The following TMCO5A variants were observed in gnomAD, a reference collection of about 807,000 sequenced individuals.
The protein encoded by TMCO5A is transmembrane and coiled-coil domain-containing protein 5A.
TMCO5A carries 34 observed loss-of-function variants against 42.3 expected under a neutral mutation model. The ratio of observed to expected loss-of-function variants is 0.80; its 90% CI spans 0.61 to 1.07. TMCO5A has a LOEUF of 1.07. Among genes scored for constraint, TMCO5A ranks in the 50% least tolerant of loss-of-function variants. The pLI is 0.00. For synonymous variants in TMCO5A, 131 were observed against 115.6 expected, an observed-to-expected ratio of 1.13 and a Z score of -0.86; for missense variants, 357 against 327.9, an observed-to-expected ratio of 1.09 and a Z score of -0.69.
At chr15:38,033,132 G>A in the TMCO5A span, among the ~76,000 whole-genome samples, 1 of 152,004 alleles carries the variant, frequency 6.6e-6, no homozygotes, top group African/African-American at 2.4e-5. Context: ...GTTTCACCGT[G>A]TTAGCCAGGA....
the TMCO5A span, chr15:38,040,702 G>A: frequency 6.6e-6 from 1 of 152,184 alleles, no homozygotes. Flanking sequence ...GGTCACAAAG[G>A]ACCACAGCTT....
At chr15:37,975,986 T>C in the TMCO5A span, among the ~76,000 whole-genome samples, 9 of 112 alleles carry the variant, frequency 0.08, no homozygotes, top group African/African-American at 0.19. Context: ...CTCACGCCTG[T>C]AATCCCCAGC....
downstream of TMCO5A, among the ~76,000 whole-genome samples, chr15:37,952,127 C>A (rs983040623): frequency 2.0e-5 from 3 of 152,162 alleles, no homozygotes; most frequent in African/African-American, 7.2e-5. Flanking sequence ...CAAGCCTTGC[C>A]GCTGCCAAGC....
rs751757881 is a variant in TMCO5A at position 37,936,872 on chromosome 15, C to T, written c.166C>T (p.Arg56Trp). The change falls in exon 4 of 12, where the codon CGG (arginine) becomes TGG (tryptophan). Residue 56 changes from arginine to tryptophan, a missense_variant. Arg to Trp is a moderately radical substitution (Grantham distance 101). Coordinates refer to ENST00000319669, the MANE Select transcript of TMCO5A (RefSeq NM_152453.4). ...QRLESEIIQT[R>W]GLVEDEEWEK... ...GCTGGAAAGTGAGATCATTCAGACG[C>T]GGGGCCTGGTGGAAGATGAAGAGTG... The T allele has an allele frequency of 6.8e-6, 11 of 1,611,864 alleles. No individual in the cohort carries two copies. Among genetic ancestry groups the T allele is most frequent in the South Asian group, 4.4e-5 (4 of 91,032 alleles).
chr15:37,937,247 C>G, intron 4 of TMCO5A, 99 bp from the exon 5 acceptor site: 2 of 1,408,608 alleles, frequency 1.4e-6, no homozygotes. Context: ...GGTCAAGTTA[C>G]TGCAGGAAAA....
the TMCO5A span, among the ~76,000 whole-genome samples, chr15:38,010,246 G>A: frequency 3.3e-5 from 5 of 151,690 alleles, no homozygotes; most frequent in Non-Finnish European, 7.4e-5. Flanking sequence ...CGTATTGGCC[G>A]GCGCGTGTAG....
At chr15:37,998,928 T>C in the TMCO5A span, among the ~76,000 whole-genome samples, 1 of 152,106 alleles carries the variant, frequency 6.6e-6, no homozygotes, top group African/African-American at 2.4e-5. Flanking sequence ...TTTTTTGAGA[T>C]GGAGTTTCGC....
chr15:38,023,619 A>G, the TMCO5A span, among the ~76,000 whole-genome samples: 2 of 152,174 alleles, frequency 1.3e-5, no homozygotes. Flanking sequence ...TTAAGTGGAG[A>G]GGAATTAGGT....
chr15:38,040,845 T>G, the TMCO5A span: 1 of 152,196 alleles, frequency 6.6e-6, no homozygotes, highest in South Asian at 2.1e-4. Flanking sequence ...CTTTATGGGA[T>G]AATAAAATGT....
intron 2 of TMCO5A, 97 bp from the exon 3 acceptor site, chr15:37,936,217 T>A: frequency 7.2e-7 from 1 of 1,380,834 alleles, no homozygotes; most frequent in Non-Finnish European, 9.8e-7. Context: ...GAGAGTAAGG[T>A]TAATAAACTA....
the TMCO5A span, among the ~76,000 whole-genome samples, chr15:37,980,816 C>T: frequency 6.6e-6 from 1 of 152,014 alleles, no homozygotes; most frequent in African/African-American, 2.4e-5. Context: ...CACCCTGCCA[C>T]ATGATAATGC....
downstream of TMCO5A, among the ~76,000 whole-genome samples, chr15:37,954,589 G>A (rs1447025095): frequency 6.6e-6 from 1 of 152,066 alleles, no homozygotes; most frequent in Non-Finnish European, 1.5e-5. Context: ...GGACATTAAT[G>A]AGCAATAAGA....
downstream of TMCO5A, among the ~76,000 whole-genome samples, chr15:37,956,388 C>T (rs927475357): frequency 6.6e-6 from 1 of 152,034 alleles, no homozygotes; most frequent in African/African-American, 2.4e-5. Flanking sequence ...CAAATAGACG[C>T]AATAAAAATC....
the TMCO5A span, chr15:38,004,686 A>G: frequency 1.3e-5 from 2 of 152,112 alleles, no homozygotes; most frequent in Admixed American, 6.6e-5. Context: ...TCATATGTAA[A>G]ATTGCACAGT....
downstream of TMCO5A, among the ~76,000 whole-genome samples, chr15:37,956,363 A>C (rs530221353): frequency 6.6e-6 from 1 of 152,318 alleles, no homozygotes; most frequent in South Asian, 2.1e-4. Context: ...ACTAATAAAG[A>C]AGAAAACAGA....
the TMCO5A span, among the ~76,000 whole-genome samples, chr15:38,001,055 G>C: frequency 1.6e-4 from 24 of 152,050 alleles, no homozygotes; most frequent in African/African-American, 5.8e-4. Context: ...TTTCTTTGTT[G>C]CTTTTCAGTC....
At chr15:38,003,045 T>G in the TMCO5A span, among the ~76,000 whole-genome samples, 2 of 152,186 alleles carry the variant, frequency 1.3e-5, no homozygotes, top group Non-Finnish European at 2.9e-5. Flanking sequence ...CACTGTGATC[T>G]AAGTCTTTGG....
At chr15:38,031,534 A>G in the TMCO5A span, among the ~76,000 whole-genome samples, 1 of 152,188 alleles carries the variant, frequency 6.6e-6, no homozygotes, top group Non-Finnish European at 1.5e-5. Flanking sequence ...GAGCAACCCT[A>G]TGGAGAGACC....
intron 10 of TMCO5A, among the ~76,000 whole-genome samples, chr15:37,945,388 C>T (rs1889910531): frequency 6.6e-6 from 1 of 152,062 alleles, no homozygotes; most frequent in Non-Finnish European, 1.5e-5. Context: ...TGGGTATATA[C>T]CCAGTAATGA....
Sources: allele counts gnomAD v4.1 joint callset (sites outside exome capture counted in the v4.1 genomes callset), GRCh38; gene constraint gnomAD v4.1.1; transcripts MANE v1.5; gene names NCBI Gene and HGNC (gene_info 2026-07-23, HGNC 2026-07-21).